LCOR: variants seen among roughly 807,000 people sequenced by gnomAD.
LCOR encodes the protein ligand-dependent corepressor.
A neutral mutation model predicts 64.4 loss-of-function variants in LCOR; 14 were observed. The observed-to-expected ratio is 0.22, with a 90% CI of 0.14 to 0.34. The LOEUF is 0.34. Among genes scored for constraint, LCOR ranks in the 10% least tolerant of loss-of-function variants. The pLI, the probability that LCOR is intolerant of heterozygous loss-of-function variation, is 1.00. For synonymous variants in LCOR, 643 were observed against 642.5 expected (o/e 1.00, Z -0.01); for missense variants, 1,686 against 1,765.3 (o/e 0.96, Z 0.80).
chr10:96,994,230 T>C lies in LCOR; in HGVS notation c.*9096T>C, dbSNP rs1848224520. On this transcript the variant is annotated 3_prime_UTR_variant, in exon 8 of 8. Transcript: ENST00000421806. ...CAGTTCAATGTCCTTTGGCTATATTTGACCTACCTTTAAAACCTAGCCCAT... is the reference window on the plus strand; with the variant it reads ...CAGTTCAATGTCCTTTGGCTATATTCGACCTACCTTTAAAACCTAGCCCAT... 2 of 152,234 alleles carry C rather than the reference T, an allele frequency of 1.3e-5. No individual in the cohort carries two copies. The highest frequency in any genetic ancestry group is 2.9e-5 in the Non-Finnish European group (2 of 68,040). The allele number at this position is 152,234 out of a possible 1,614,324, so 9.4% of individuals were successfully genotyped here.
chr10:96,963,944 T>A (rs1482797303), intron 7 of LCOR: 1 of 152,314 alleles, frequency 6.6e-6, no homozygotes, highest in East Asian at 1.9e-4. Context: ...CCTTTACTCT[T>A]ATGGACCTCA....
At chr10:96,895,518 T>C (rs1846522035) in intron 2 of LCOR, among the ~76,000 whole-genome samples, 3 of 152,208 alleles carry the variant, frequency 2.0e-5, no homozygotes, top group African/African-American at 4.8e-5. Context: ...TTAAACAATA[T>C]ATATCTAATT....
chr10:96,927,943 A>G (rs1219453259), intron 4 of LCOR, among the ~76,000 whole-genome samples: 3 of 152,250 alleles, frequency 2.0e-5, no homozygotes, highest in Non-Finnish European at 4.4e-5. Flanking sequence ...GTGCAATAGC[A>G]TTATATATAA....
At chr10:96,873,500 T>C (rs1167733849) in intron 2 of LCOR, among the ~76,000 whole-genome samples, 1 of 151,568 alleles carries the variant, frequency 6.6e-6, no homozygotes, top group Non-Finnish European at 1.5e-5. Flanking sequence ...GTGGTTGTGT[T>C]AAATCGATTC....
At chr10:96,874,784 T>G (rs768374436) in intron 2 of LCOR, among the ~76,000 whole-genome samples, 4 of 151,812 alleles carry the variant, frequency 2.6e-5, no homozygotes, top group African/African-American at 9.7e-5. Flanking sequence ...ATTACAGGCA[T>G]GTACCACCAC....
chr10:96,949,819 TC>T (rs1338603067), intron 6 of LCOR, among the ~76,000 whole-genome samples: 3 of 152,138 alleles, frequency 2.0e-5, no homozygotes, highest in East Asian at 3.8e-4. Flanking sequence ...TTAAATATAT[TC>T]AATGTTTTAT....
intron 2 of LCOR, among the ~76,000 whole-genome samples, chr10:96,877,396 A>G (rs1440057646): frequency 6.6e-6 from 1 of 151,896 alleles, no homozygotes; most frequent in African/African-American, 2.4e-5. Flanking sequence ...GTGGTGATAC[A>G]TGTCTGTAGT....
rs996674371 is a variant in LCOR, at chr10:96,991,655, C to T, written c.*6521C>T. The T allele has an allele frequency of 3.9e-5, 6 of 152,226 alleles. No homozygotes were observed. Among genetic ancestry groups the T allele is most frequent in the African/African-American group, 7.2e-5 (3 of 41,442 alleles). 9.4% of individuals were successfully genotyped at this position (152,226 alleles called of 1,614,324 possible). A position where few individuals can be genotyped will look rare whatever the true frequency, so the allele number is the denominator to read the frequency against. On this transcript the variant is annotated 3_prime_UTR_variant, in exon 8 of 8. Transcript: ENST00000421806. ...GCCTGGTGTTTGCCTGTTTGACTTT[C>T]GAGTGCAGACCACACATTCTCTTAA...
intron 2 of LCOR, among the ~76,000 whole-genome samples, chr10:96,837,146 A>G (rs1278775814): frequency 6.6e-6 from 1 of 152,152 alleles, no homozygotes; most frequent in African/African-American, 2.4e-5. Context: ...GCCCGCCACC[A>G]CGCTCGGCTA....
intron 7 of LCOR, among the ~76,000 whole-genome samples, chr10:96,973,089 A>C (rs772445485): frequency 2.0e-5 from 3 of 152,114 alleles, no homozygotes; most frequent in Non-Finnish European, 4.4e-5. Context: ...CAATTTTGAA[A>C]ATTGCTTTTT....
chr10:96,966,876 C>A (rs910194237), intron 7 of LCOR, among the ~76,000 whole-genome samples: 3 of 152,164 alleles, frequency 2.0e-5, no homozygotes, highest in African/African-American at 7.2e-5. Flanking sequence ...GCTGGAACTG[C>A]AGGCACATGC....
rs1424941556 is a variant in LCOR at position 96,991,026 on chromosome 10, A to G, written c.*5892A>G. 6.7e-6 allele frequency: 1 copy of G among 149,970 alleles called. No homozygotes were observed. The highest frequency in any genetic ancestry group is 6.6e-5 in the Admixed American group (1 of 15,122). 9.3% of individuals were successfully genotyped at this position (149,970 alleles called of 1,614,324 possible). A position where few individuals can be genotyped will look rare whatever the true frequency, so the allele number is the denominator to read the frequency against. On this transcript the variant is annotated 3_prime_UTR_variant, in exon 8 of 8. Coordinates refer to ENST00000421806, the MANE Select transcript of LCOR (RefSeq NM_001346516.2). The stretch of plus-strand genomic sequence containing the variant: ...ACCCTTTTTTAAAGGGTTATGTAAA[A>G]AAAAAAAAAAAAAAAAAAAGCAACT...
At position 96,991,469 on chromosome 10, in the gene LCOR, C is replaced by A. The variant is rs955774025; in HGVS notation, c.*6335C>A. 6.6e-6 allele frequency: 1 copy of A among 152,146 alleles called. No individual in the cohort carries two copies. The highest frequency in any genetic ancestry group is 2.4e-5 in the African/African-American group (1 of 41,420). 9.4% of individuals were successfully genotyped at this position (152,146 alleles called of 1,614,324 possible). On this transcript the variant is annotated 3_prime_UTR_variant, in exon 8 of 8. Transcript: ENST00000421806. ...AGACATTCCATTAACAGCAGTTCAG[C>A]ACAAACAAATTACTCATGAACTTAA...
At chr10:96,876,946 C>T (rs756551478) in intron 2 of LCOR, among the ~76,000 whole-genome samples, 1 of 152,134 alleles carries the variant, frequency 6.6e-6, no homozygotes, top group Non-Finnish European at 1.5e-5. Context: ...CCACCTGCTT[C>T]GGCCTCCCAA....
chr10:96,895,831 C>G (rs1209283664), intron 2 of LCOR, among the ~76,000 whole-genome samples: 1 of 152,128 alleles, frequency 6.6e-6, no homozygotes, highest in Non-Finnish European at 1.5e-5. Flanking sequence ...GCCTGTAATC[C>G]CAGTGTTTTG....
rs1848155566 is a variant in LCOR, at chr10:96,987,132, T to C, written c.*1998T>C. ...GAGCTACCTACATTAATAAAACTGCTGAGTGTGTATGTTGGCAACCCTTTC... is the reference window on the plus strand; with the variant it reads ...GAGCTACCTACATTAATAAAACTGCCGAGTGTGTATGTTGGCAACCCTTTC... On this transcript the variant is annotated 3_prime_UTR_variant, in exon 8 of 8. Transcript: ENST00000421806. The C allele has an allele frequency of 2.0e-5, 3 of 152,236 alleles. No homozygotes were observed. The South Asian group carries it at 6.2e-4, about 32-fold the overall frequency. The allele number at this position is 152,236 out of a possible 1,614,324, so 9.4% of individuals were successfully genotyped here.
chr10:96,879,983 C>G (rs1376896421), intron 2 of LCOR, among the ~76,000 whole-genome samples: 2 of 152,160 alleles, frequency 1.3e-5, no homozygotes, highest in East Asian at 3.8e-4. Context: ...CTTTATGATT[C>G]TGTTTGCATG....
intron 2 of LCOR, among the ~76,000 whole-genome samples, chr10:96,884,245 C>T (rs1332165913): frequency 6.6e-6 from 1 of 152,028 alleles, no homozygotes. Flanking sequence ...AATGTGAGTC[C>T]ATTTTCTGTT....
chr10:96,981,542 C>T lies in LCOR; in HGVS notation c.1082C>T (p.Ser361Phe), dbSNP rs1175531754. The change falls in exon 8 of 8, where the codon TCT becomes TTT. Residue 361 changes from serine to phenylalanine, a missense_variant. Physicochemically the swap from Ser to Phe is radical, Grantham distance 155 (BLOSUM62 -2). Around this residue, in one of 3 missense-constraint regions of LCOR, gnomAD observed 313 missense variants for 247.2 expected, o/e 1.27. Transcript: ENST00000421806. ...AACTCAGGGTTTATGGGGAACTCATCTAGAACTGCTGACAAAGAGAATACT... is the reference window on the plus strand; with the variant it reads ...AACTCAGGGTTTATGGGGAACTCATTTAGAACTGCTGACAAAGAGAATACT... Reference protein sequence around the residue: ...AWNSGFMGNSSRTADKENTLQ... With the variant: ...AWNSGFMGNSFRTADKENTLQ... 6.2e-7 allele frequency: 1 copy of T among 1,614,238 alleles called. No individual in the cohort carries two copies.
Sources: gnomAD v4.1 joint callset for allele counts (sites outside exome capture counted in the v4.1 genomes callset) on GRCh38, gnomAD v4.1.1 for gene constraint, gnomAD v4.1.1 regional missense constraint, MANE v1.5 for transcripts, NCBI Gene and HGNC (gene_info 2026-07-23, HGNC 2026-07-21) for gene names.